Variants in ESX1 observed in about 807,000 individuals in gnomAD.
ESX1 encodes homeobox protein ESX1.
A neutral mutation model predicts 13.2 loss-of-function variants in ESX1; 2 were observed. The observed-to-expected ratio is 0.15, with a 90% CI of 0.06 to 0.48. The LOEUF (loss-of-function observed/expected upper bound fraction) is 0.48. Among genes scored for constraint, ESX1 ranks in the 20% least tolerant of loss-of-function variants. ESX1 has a pLI of 0.97. For synonymous variants in ESX1, 157 were observed against 163.1 expected (o/e 0.96, Z 0.29); for missense variants, 307 against 379.0 (o/e 0.81, Z 1.58).
chrX:104,250,971 A>G, intron 3 of ESX1, 75 bp from the exon 4 acceptor site: 1 of 901,761 alleles, frequency 1.1e-6, no homozygotes, highest in South Asian at 2.4e-5. Flanking sequence ...ATAACATGGA[A>G]TTCTATATGC....
In ESX1 at chrX:104,254,436, T is replaced by G. The variant is rs1556395371; in HGVS notation, c.224A>C (p.Glu75Ala). The G allele has an allele frequency of 8.2e-7, 1 of 1,212,122 alleles. No individual in the cohort carries two copies. Residue 75 changes from glutamate to alanine, a missense_variant, in exon 2 of 4, where the codon GAG (glutamate) becomes GCG (alanine). By Grantham distance (107) the Glu-to-Ala change is moderately radical. This residue lies in a region of ESX1 where 152 missense variants were observed against 114.5 expected (regional missense o/e 1.33). Coordinates refer to ENST00000372588, the MANE Select transcript of ESX1 (RefSeq NM_153448.4). The stretch of plus-strand genomic sequence containing the variant: ...CTCCGGCTCGTGGCCGCCGCCACCC[T>G]CACGGTCTTGGTCGTCCGAGGGGAC... ...GSVPSDDQDR[E>A]GGGGHEPEQQ...
At position 104,254,308 on chromosome X, in the gene ESX1, C is replaced by A. The variant is rs1261607231; in HGVS notation, c.352G>T (p.Val118Leu). 1 of 1,210,387 alleles carries A rather than the reference C, an allele frequency of 8.3e-7. No individual in the cohort carries two copies. Among genetic ancestry groups the A allele is most frequent in the Non-Finnish European group, 1.1e-6 (1 of 895,256 alleles). ...CCCTCCGCCGGCTGTGGCCCCTCCA[C>A]GGTCGTCTGGGGCGGCTCCTCCTGC... ...QEQEEPPQTT[V>L]EGPQPAEGPQ... Residue 118 changes from valine (V) to leucine (L), a missense_variant, in exon 2 of 4, where the codon GTG becomes TTG. Coordinates refer to ENST00000372588, the MANE Select transcript of ESX1 (RefSeq NM_153448.4).
Position 104,254,072 on chromosome X carries a change from G to A in ESX1, c.506+82C>T, listed in dbSNP as rs1438688655. The A allele has an allele frequency of 5.5e-6, 6 of 1,095,507 alleles. No individual in the cohort carries two copies. The South Asian group carries it at 6.6e-5, about 12-fold the overall frequency. The allele number at this position is 1,095,507 out of a possible 1,213,427, so 90.3% of individuals were successfully genotyped here. Reference sequence around the variant, plus strand: ...CCCAAAAACCAAGGGCGGAGGCAGCGCCCGTGAGCCCCCTACGTGGCTTTT... The same window carrying A: ...CCCAAAAACCAAGGGCGGAGGCAGCACCCGTGAGCCCCCTACGTGGCTTTT... On this transcript the variant is annotated intron_variant, in intron 2 of 3. Coordinates refer to ENST00000372588, the MANE Select transcript of ESX1 (RefSeq NM_153448.4).
intron 2 of ESX1, among the ~76,000 whole-genome samples, chrX:104,253,640 C>G (rs1923242329): frequency 9.0e-6 from 1 of 110,640 alleles, no homozygotes; most frequent in Admixed American, 9.6e-5. Context: ...GCCCCCCGCC[C>G]CCCATTCCAG....
At position 104,250,843 on chromosome X, in the gene ESX1, C is replaced by T. The variant is rs1556394169; in HGVS notation, c.606G>A (p.Met202Ile). 2.5e-6 allele frequency: 3 copies of T among 1,210,297 alleles called. No individual in the cohort carries two copies. The highest frequency in any genetic ancestry group is 1.8e-5 in the South Asian group (1 of 56,776). The change falls in exon 4 of 4, where the codon ATG becomes ATA. Residue 202 changes from methionine (M) to isoleucine (I), a missense_variant. This residue lies in a region of ESX1 where 108 missense variants were observed against 147.5 expected (regional missense o/e 0.73). Coordinates refer to ENST00000372588, the MANE Select transcript of ESX1 (RefSeq NM_153448.4). ...AKWKRNQRVL[M>I]LRNTATADLA... Reference sequence around the variant, plus strand: ...GGTCAGCAGTAGCAGTGTTTCTCAACATTAGCACCCTCTGATTTCGTTTCC... The same window carrying T: ...GGTCAGCAGTAGCAGTGTTTCTCAATATTAGCACCCTCTGATTTCGTTTCC...
rs1923296668 is a variant in ESX1, at chrX:104,254,878, A to G, written c.-29T>C. 3 of 1,112,448 alleles carry G rather than the reference A, an allele frequency of 2.7e-6. No homozygotes were observed. The highest frequency in any genetic ancestry group is 6.0e-5 in the East Asian group (2 of 33,348). 91.7% of individuals were successfully genotyped at this position (1,112,448 alleles called of 1,213,427 possible). ...TCAAGCGCTGTCGATAAAGCTGTGC[A>G]CTTCTGCAGACTCTGTGCGTGGTTC... On this transcript the variant is annotated 5_prime_UTR_variant, in exon 1 of 4. Transcript: ENST00000372588.
chrX:104,254,803 C>T lies in ESX1; in HGVS notation c.47G>A (p.Ser16Asn), dbSNP rs782048067. The T allele has an allele frequency of 8.3e-7, 1 of 1,211,087 alleles. No individual in the cohort carries two copies. The highest frequency in any genetic ancestry group is 1.1e-6 in the Non-Finnish European group (1 of 894,668). ...CTCGATGTCCTCGCCGACTGCCAGG[C>T]TGCGGTAGCCAATATCACTGTGGGT... ...GYTHSDIGYRSLAVGEDIEEV... is the reference protein window; with the variant it reads ...GYTHSDIGYRNLAVGEDIEEV... The change falls in exon 1 of 4, where the codon AGC becomes AAC. Residue 16 changes from serine (S) to asparagine (N), a missense_variant. Transcript: ENST00000372588.
intron 3 of ESX1, among the ~76,000 whole-genome samples, chrX:104,251,214 T>C (rs1166229148): frequency 8.9e-6 from 1 of 111,832 alleles, no homozygotes; most frequent in Non-Finnish European, 1.9e-5. Context: ...CTATTAAAAG[T>C]GTCTTTGGGG....
In ESX1 at chrX:104,252,699, C is replaced by T. The variant is rs1923213588; in HGVS notation, c.552+84G>A. The T allele has an allele frequency of 1.2e-5, 11 of 956,101 alleles. 1 individual carries two copies. In the South Asian group the frequency reaches 2.2e-4, roughly 19 times the overall value. 78.8% of individuals were successfully genotyped at this position (956,101 alleles called of 1,213,427 possible). On this transcript the variant is annotated intron_variant, in intron 3 of 3. Transcript: ENST00000372588. Reference sequence around the variant, plus strand: ...ACCATGGAAAAGACAACAGAAAACACCAGCTTGAGAATGTCCAGGACAAAA... The same window carrying T: ...ACCATGGAAAAGACAACAGAAAACATCAGCTTGAGAATGTCCAGGACAAAA...
intron 1 of ESX1, 29 bp from the exon 2 acceptor site, chrX:104,254,606 C>A (rs782045480): frequency 3.3e-6 from 4 of 1,196,453 alleles, no homozygotes; most frequent in East Asian, 3.0e-5. Context: ...AAAAGAGACA[C>A]CAGGGCGTTG....
chrX:104,254,648 G>T (rs1160458086), intron 1 of ESX1, 71 bp from the exon 2 acceptor site: 10 of 1,160,849 alleles, frequency 8.6e-6, no homozygotes, highest in Non-Finnish European at 1.2e-5. Context: ...GAGGAGGCAG[G>T]GGACCCGCTA....
At position 104,254,932 on chromosome X, in the gene ESX1, C is replaced by G. The variant is rs1923299165; in HGVS notation, c.-83G>C. ...GGCGATCCCGGGGTTGGAACTGGCT[C>G]TGGGACCAATGGCTCGGGCGAGCGC... On this transcript the variant is annotated 5_prime_UTR_variant, in exon 1 of 4. Coordinates refer to ENST00000372588, the MANE Select transcript of ESX1 (RefSeq NM_153448.4). 9 of 863,853 alleles carry G rather than the reference C, an allele frequency of 1.0e-5. No individual in the cohort carries two copies. The East Asian group carries it at 2.8e-4, about 27-fold the overall frequency. 71.2% of individuals were successfully genotyped at this position (863,853 alleles called of 1,213,427 possible).
rs782642348 is a variant in ESX1, at chrX:104,250,246, A to G, written c.1203T>C (p.Tyr401=). The change falls in exon 4 of 4, where the codon TAT becomes TAC. Residue 401 remains tyrosine (Y), a synonymous_variant. Coordinates refer to ENST00000372588, the MANE Select transcript of ESX1 (RefSeq NM_153448.4). ...CCTTACTTTAGAAAAAGGGACATGCATAATAACTGTTGATGACAGGGGCCC... is the reference window on the plus strand; with the variant it reads ...CCTTACTTTAGAAAAAGGGACATGCGTAATAACTGTTGATGACAGGGGCCC... The part of the protein sequence containing the change: ...ITWAPVINSY[Y]ACPFF 11 of 1,209,435 alleles carry G rather than the reference A, an allele frequency of 9.1e-6. No individual in the cohort carries two copies. In the South Asian group the frequency reaches 1.8e-4, roughly 19 times the overall value.
At chrX:104,254,695 C>G (rs1490147011) in intron 1 of ESX1, 73 bp downstream of exon 1, 14 of 1,145,167 alleles carry the variant, frequency 1.2e-5, no homozygotes, top group Non-Finnish European at 1.7e-5. Flanking sequence ...AGCGTCTCCT[C>G]CGCTTGCCTC....
rs782474179 is a variant in ESX1 at position 104,250,612 on chromosome X, G to C, written c.837C>G (p.Gly279=). Residue 279 remains glycine, a synonymous_variant, in exon 4 of 4, where the codon GGC becomes GGG. Coordinates refer to ENST00000372588, the MANE Select transcript of ESX1 (RefSeq NM_153448.4). ...PMPPMAPVPP[G]SRMAPVPPGP... is the part of the protein sequence containing the mutation. Reference sequence around the variant, plus strand: ...CGGGTGGCACAGGCGCCATGCGTGAGCCGGGTGGCACAGGCGCCATGGGTG... The same window carrying C: ...CGGGTGGCACAGGCGCCATGCGTGACCCGGGTGGCACAGGCGCCATGGGTG... 1.7e-4 allele frequency: 197 copies of C among 1,192,013 alleles called. No individual in the cohort carries two copies. Among genetic ancestry groups the C allele is most frequent in the East Asian group, 7.2e-4 (24 of 33,139 alleles).
chrX:104,253,042 G>A (rs1167407816), intron 2 of ESX1, among the ~76,000 whole-genome samples: 1 of 109,577 alleles, frequency 9.1e-6, no homozygotes, highest in Non-Finnish European at 1.9e-5. Flanking sequence ...CCAGCTACTC[G>A]GGAGGCTGAG....
chrX:104,250,943 G>C (rs782034601), intron 3 of ESX1, 47 bp from the exon 4 acceptor site: 3 of 1,048,635 alleles, frequency 2.9e-6, no homozygotes, highest in Non-Finnish European at 3.9e-6. Context: ...AACAGTTAAC[G>C]TCATAATAGA....
In ESX1 at chrX:104,254,824, T is replaced by G. The variant is rs1195713986; in HGVS notation, c.26A>C (p.His9Pro). The G allele has an allele frequency of 8.3e-7, 1 of 1,210,339 alleles. No homozygotes were observed. The highest frequency in any genetic ancestry group is 3.0e-5 in the East Asian group (1 of 33,828). Residue 9 changes from histidine (H) to proline (P), a missense_variant, in exon 1 of 4, where the codon CAC (histidine) becomes CCC (proline). Coordinates refer to ENST00000372588, the MANE Select transcript of ESX1 (RefSeq NM_153448.4). The part of the protein sequence containing the change: MESLRGYT[H>P]SDIGYRSLAV... ...CAGGCTGCGGTAGCCAATATCACTGTGGGTGTACCCGCGAAGAGACTCCAT... is the reference window on the plus strand; with the variant it reads ...CAGGCTGCGGTAGCCAATATCACTGGGGGTGTACCCGCGAAGAGACTCCAT...
chrX:104,254,073 C>A, intron 2 of ESX1, 81 bp downstream of exon 2: 1 of 1,103,729 alleles, frequency 9.1e-7, no homozygotes, highest in South Asian at 2.2e-5. Flanking sequence ...GGAGGCAGCG[C>A]CCGTGAGCCC....
Sources: allele counts gnomAD v4.1 joint callset (sites outside exome capture counted in the v4.1 genomes callset), GRCh38; gene constraint gnomAD v4.1.1; regional missense constraint gnomAD v4.1.1; transcripts MANE v1.5; gene names NCBI Gene and HGNC (gene_info 2026-07-23, HGNC 2026-07-21).